The following KMT2A variants were observed in gnomAD, a reference collection of about 807,000 sequenced individuals.
The protein encoded by KMT2A is lysine methyltransferase 2A.
Under a neutral mutation model 345.3 loss-of-function variants are expected in KMT2A, and 16 were observed. The ratio of observed to expected loss-of-function variants is 0.05; its 90% CI spans 0.03 to 0.07. The LOEUF (loss-of-function observed/expected upper bound fraction) is 0.07. Among genes scored for constraint, KMT2A ranks in the 10% least tolerant of loss-of-function variants. KMT2A has a pLI of 1.00. For synonymous variants in KMT2A, 1,599 were observed against 1,778.6 expected, an observed-to-expected ratio of 0.90 and a Z score of 2.54; for missense variants, 3,272 against 4,841.6, an observed-to-expected ratio of 0.68 and a Z score of 9.62.
At chr11:118,462,593 C>CTG (rs1949765832) in intron 1 of KMT2A, among the ~76,000 whole-genome samples, 1 of 152,138 alleles carries the variant, frequency 6.6e-6, no homozygotes, top group African/African-American at 2.4e-5. Context: ...GAGTCTCGCT[C>CTG]TGTCGCCCAG....
chr11:118,444,413 A>G (rs1555026616), intron 1 of KMT2A, among the ~76,000 whole-genome samples: 2 of 152,224 alleles, frequency 1.3e-5, no homozygotes, highest in East Asian at 1.9e-4. Flanking sequence ...ATTTGTGCAT[A>G]TATAAATACC....
chr11:118,462,439 C>T (rs1339897352), intron 1 of KMT2A, among the ~76,000 whole-genome samples: 2 of 151,898 alleles, frequency 1.3e-5, no homozygotes, highest in Non-Finnish European at 2.9e-5. Flanking sequence ...CTAAGCTGTC[C>T]GGATTATTTA....
chr11:118,525,623 A>G lies in KMT2A; in HGVS notation c.*3451A>G. On this transcript the variant is annotated 3_prime_UTR_variant, in exon 36 of 36. Transcript: ENST00000534358. ...AAAAATAAAAAATAAAAAAAAAAGG[A>G]AAAAAAAATACAACACACACACAAA... The G allele has an allele frequency of 9.0e-6, 2 of 221,782 alleles. No homozygotes were observed. Among genetic ancestry groups the G allele is most frequent in the East Asian group, 6.5e-5 (1 of 15,336 alleles). The allele number at this position is 221,782 out of a possible 1,614,324, so 13.7% of individuals were successfully genotyped here.
chr11:118,507,495 T>A (rs781894940), intron 27 of KMT2A, 34 bp from the exon 28 acceptor site: 2 of 1,587,182 alleles, frequency 1.3e-6, no homozygotes, highest in East Asian at 4.5e-5. Flanking sequence ...TACTGGTGGT[T>A]TGTCTTGAAA....
At chr11:118,448,515 T>G (rs1949467646) in intron 1 of KMT2A, 1 of 152,156 alleles carries the variant, frequency 6.6e-6, no homozygotes, top group South Asian at 2.1e-4. Context: ...AAAACTTGAA[T>G]TGGGATTATT....
intron 10 of KMT2A, among the ~76,000 whole-genome samples, chr11:118,485,253 T>A (rs751084487): frequency 2.5e-4 from 38 of 152,118 alleles, no homozygotes; most frequent in Non-Finnish European, 4.1e-4. Flanking sequence ...AGAGAAAAAA[T>A]TATACAGTGG....
At position 118,491,970 on chromosome 11, in the gene KMT2A, T is replaced by C. The variant is rs782236782; in HGVS notation, c.5004+42T>C. 7.0e-7 allele frequency: 1 copy of C among 1,433,864 alleles called. No homozygotes were observed. The highest frequency in any genetic ancestry group is 9.7e-7 in the Non-Finnish European group (1 of 1,032,424). 88.8% of individuals were successfully genotyped at this position (1,433,864 alleles called of 1,614,324 possible). On this transcript the variant is annotated intron_variant, in intron 15 of 35. Coordinates refer to ENST00000534358, the MANE Select transcript of KMT2A (RefSeq NM_001197104.2). The surrounding 1 kb of genome is among the most constrained non-coding windows in gnomAD (Gnocchi z 4.2). The stretch of plus-strand genomic sequence containing the variant: ...TTTTTTCTGAGAGCTTGTTCTTAGG[T>C]AGTCTTTACCTAGTGTTTTTCTTTT...
rs1565305384 is a variant in KMT2A at position 118,505,029 on chromosome 11, A to C, written c.9137A>C (p.Asn3046Thr). 2 of 1,614,138 alleles carry C rather than the reference A, an allele frequency of 1.2e-6. No homozygotes were observed. The highest frequency in any genetic ancestry group is 1.7e-6 in the Non-Finnish European group (2 of 1,180,026). The change falls in exon 27 of 36, where the codon AAC becomes ACC. Residue 3046 changes from asparagine to threonine, a missense_variant. Asn to Thr is a moderately conservative substitution (Grantham distance 65). Around this residue, in one of 27 missense-constraint regions of KMT2A, gnomAD observed 748 missense variants for 922.2 expected, o/e 0.81. Transcript: ENST00000534358. The surrounding 1 kb of genome is among the most constrained non-coding windows in gnomAD (Gnocchi z 4.6). ...GTTTCCCCAACTGTTCCCATCCAGA[A>C]CCAGAAGTATGTGCCCAATTCTACT... ...VPVSPTVPIQ[N>T]QKYVPNSTDS...
chr11:118,474,967 T>C (rs1398922854), intron 3 of KMT2A, among the ~76,000 whole-genome samples: 1 of 136,254 alleles, frequency 7.3e-6, no homozygotes, highest in South Asian at 2.3e-4. Flanking sequence ...TCATCTCTAC[T>C]AAAAAAAAAA....
At position 118,507,612 on chromosome 11, in the gene KMT2A, A is replaced by T. The variant is rs782744910; in HGVS notation, c.10835+3A>T. ...AAGGAGTGTGGGCAACCTGCAGGGT[A>T]AGCTGAAGAATTCGTCTTTTAAGAC... On this transcript the variant is annotated splice_donor_region_variant and intron_variant, in intron 28 of 35. Coordinates refer to ENST00000534358, the MANE Select transcript of KMT2A (RefSeq NM_001197104.2). 6.2e-7 allele frequency: 1 copy of T among 1,611,084 alleles called. No individual in the cohort carries two copies. Among genetic ancestry groups the T allele is most frequent in the Non-Finnish European group, 8.5e-7 (1 of 1,177,198 alleles).
At chr11:118,450,991 A>AT (rs1218381912) in intron 1 of KMT2A, among the ~76,000 whole-genome samples, 6 of 152,062 alleles carry the variant, frequency 3.9e-5, no homozygotes, top group African/African-American at 1.2e-4. Context: ...GTGTCACTAC[A>AT]TTTTTTTTCT....
chr11:118,484,279 G>C lies in KMT2A; in HGVS notation c.4183G>C (p.Ala1395Pro). Residue 1395 changes from alanine (A) to proline (P), a missense_variant, in exon 9 of 36, where the codon GCA becomes CCA. Coordinates refer to ENST00000534358, the MANE Select transcript of KMT2A (RefSeq NM_001197104.2). The surrounding 1 kb of genome is among the most constrained non-coding windows in gnomAD (Gnocchi z 4.1). Reference sequence around the variant, plus strand: ...CAATAGTTCTAAGCAAAAAATTCCAGCAGATGGAGTCCACAGGATCAGAGT... The same window carrying C: ...CAATAGTTCTAAGCAAAAAATTCCACCAGATGGAGTCCACAGGATCAGAGT... ...NGNSSKQKIP[A>P]DGVHRIRVDF... 1 of 1,614,116 alleles carries C rather than the reference G, an allele frequency of 6.2e-7. No individual in the cohort carries two copies. Among genetic ancestry groups the C allele is most frequent in the South Asian group, 1.1e-5 (1 of 91,074 alleles).
intron 5 of KMT2A, among the ~76,000 whole-genome samples, chr11:118,479,226 C>T (rs1950090745): frequency 6.6e-6 from 1 of 152,170 alleles, no homozygotes. Flanking sequence ...ACCCATTAGC[C>T]ATCCCCTAAT....
Position 118,494,164 on chromosome 11 carries a change from C to T in KMT2A, c.5179-124C>T, listed in dbSNP as rs1950368210. 3.1e-6 allele frequency: 2 copies of T among 635,084 alleles called. No homozygotes were observed. The highest frequency in any genetic ancestry group is 5.4e-5 in the Admixed American group (2 of 36,702). 39.3% of individuals were successfully genotyped at this position (635,084 alleles called of 1,614,324 possible). A position where few individuals can be genotyped will look rare whatever the true frequency, so the allele number is the denominator to read the frequency against. On this transcript the variant is annotated intron_variant, in intron 16 of 35. Transcript: ENST00000534358. This position sits in a 1 kb window ranked among gnomAD's most constrained non-coding sequence, Gnocchi z 5.8. ...AAGGTCTCAGCCAAAGAGTATTATACCACATTAAAATAGGGTGTGAGTTTT... is the reference window on the plus strand; with the variant it reads ...AAGGTCTCAGCCAAAGAGTATTATATCACATTAAAATAGGGTGTGAGTTTT...
In KMT2A at chr11:118,491,032, A is replaced by T. The variant is rs1338126616; in HGVS notation, c.4697-164A>T. ...GTGAGTATTCGAGGGGCTCAGAATA[A>T]TCTTGAGACTGCAGATGTGTGAACA... On this transcript the variant is annotated intron_variant, in intron 13 of 35. Transcript: ENST00000534358. This position sits in a 1 kb window ranked among gnomAD's most constrained non-coding sequence, Gnocchi z 4.2. Among the ~76,000 whole-genome samples the T allele has an allele frequency of 6.6e-6, 1 of 152,200 alleles. No homozygotes were observed. Among genetic ancestry groups the T allele is most frequent in the Non-Finnish European group, 1.5e-5 (1 of 68,036 alleles).
chr11:118,519,224 C>G (rs905231203), intron 31 of KMT2A, among the ~76,000 whole-genome samples: 1 of 151,856 alleles, frequency 6.6e-6, no homozygotes, highest in Admixed American at 6.6e-5. Context: ...AATCATGTAG[C>G]CTTGGGAGTG....
intron 5 of KMT2A, among the ~76,000 whole-genome samples, chr11:118,479,395 C>T (rs1555038598): frequency 6.6e-6 from 1 of 152,152 alleles, no homozygotes; most frequent in Admixed American, 6.5e-5. Context: ...TTGTAAACTA[C>T]TGGCACAAAT....
At chr11:118,515,682 C>CTTTTTTTTTTTTTTTTT (rs11374365) in intron 31 of KMT2A, among the ~76,000 whole-genome samples, 1 of 97,478 alleles carries the variant, frequency 1.0e-5, no homozygotes, top group African/African-American at 4.2e-5. Context: ...TTTTTCTGTC[C>CTTTTTTTTTTTTTTTTT]TTTTTTTTTT....
chr11:118,520,923 A>G lies in KMT2A; in HGVS notation c.11513+38A>G, dbSNP rs782131244. ...TTCTAGAAAGAATTACAGAAAACGA[A>G]TGCAGTTTTTCAAAATCAAAGCAGA... is the stretch of plus-strand genomic sequence containing the variant. On this transcript the variant is annotated intron_variant, in intron 34 of 35. Coordinates refer to ENST00000534358, the MANE Select transcript of KMT2A (RefSeq NM_001197104.2). This position sits in a 1 kb window ranked among gnomAD's most constrained non-coding sequence, Gnocchi z 4.3. 2.0e-6 allele frequency: 3 copies of G among 1,510,810 alleles called. No individual in the cohort carries two copies. The African/African-American group carries it at 4.1e-5, about 21-fold the overall frequency. 93.6% of individuals were successfully genotyped at this position (1,510,810 alleles called of 1,614,324 possible). A position where few individuals can be genotyped will look rare whatever the true frequency, so the allele number is the denominator to read the frequency against.
Sources: allele counts gnomAD v4.1 joint callset (sites outside exome capture counted in the v4.1 genomes callset), GRCh38; gene constraint gnomAD v4.1.1; regional missense constraint gnomAD v4.1.1; non-coding constraint Gnocchi (gnomAD v3.1); transcripts MANE v1.5; gene names NCBI Gene and HGNC (gene_info 2026-07-23, HGNC 2026-07-21).